The following PPP3R1 variants were observed in gnomAD, a reference collection of about 807,000 sequenced individuals.
The protein encoded by PPP3R1 is protein phosphatase 3 regulatory subunit B, alpha.
Under a neutral mutation model 22.6 loss-of-function variants are expected in PPP3R1, and 5 were observed. The ratio of observed to expected loss-of-function variants is 0.22; its 90% CI spans 0.12 to 0.46. PPP3R1 has a LOEUF of 0.46. Among genes scored for constraint, PPP3R1 ranks in the 20% least tolerant of loss-of-function variants. The pLI, the probability that PPP3R1 is intolerant of heterozygous loss-of-function variation, is 0.99. For synonymous variants in PPP3R1, 56 were observed against 65.2 expected (o/e 0.86, Z 0.68); for missense variants, 61 against 203.2 (o/e 0.30, Z 4.25).
chr2:68,211,224 A>G (rs1558635100), intron 2 of PPP3R1, among the ~76,000 whole-genome samples: 1 of 148,404 alleles, frequency 6.7e-6, no homozygotes, highest in Admixed American at 6.6e-5. Flanking sequence ...GGCTAACACA[A>G]TGAAACCCTG....
chr2:68,194,376 T>C lies in PPP3R1; in HGVS notation c.44-5686A>G, dbSNP rs536473380. 2.0e-5 allele frequency among the ~76,000 whole-genome samples: 3 copies of C among 152,236 alleles called. No homozygotes were observed. In the South Asian group the frequency reaches 6.2e-4, roughly 32 times the overall value. Reference sequence around the variant, plus strand: ...AAAGTGACTTCAAGAATCTTGTTAATGTTACTACATGAAAGTATTAAGAAC... The same window carrying C: ...AAAGTGACTTCAAGAATCTTGTTAACGTTACTACATGAAAGTATTAAGAAC... On this transcript the variant is annotated intron_variant, in intron 2 of 5. Coordinates refer to ENST00000234310, the MANE Select transcript of PPP3R1 (RefSeq NM_000945.4).
intron 1 of PPP3R1, among the ~76,000 whole-genome samples, chr2:68,220,024 T>TA (rs369003819): frequency 0.065 from 9,883 of 152,024 alleles, 394 homozygotes; most frequent in Middle Eastern, 0.21. Context: ...TGACCAGTGT[T>TA]AAAAAAAACT....
chr2:68,215,553 C>A lies in PPP3R1; in HGVS notation c.43+1539G>T, dbSNP rs183839824. Among the ~76,000 whole-genome samples the A allele has an allele frequency of 7.9e-5, 12 of 152,264 alleles. No individual in the cohort carries two copies. In the South Asian group the frequency reaches 1.7e-3, roughly 21 times the overall value. On this transcript the variant is annotated intron_variant, in intron 2 of 5. Transcript: ENST00000234310. ...TGACTCACTTCTACCTTCCAAATCT[C>A]ACAAGTATATCTGTGGCAGAAATAA...
intron 1 of PPP3R1, among the ~76,000 whole-genome samples, chr2:68,228,023 G>C (rs952865776): frequency 3.0e-4 from 45 of 152,222 alleles, no homozygotes; most frequent in African/African-American, 1.1e-3. Context: ...AGAAATCCTT[G>C]CTTTGTTACA....
At chr2:68,197,966 A>G (rs1674824969) in intron 2 of PPP3R1, among the ~76,000 whole-genome samples, 1 of 150,256 alleles carries the variant, frequency 6.7e-6, no homozygotes, top group Non-Finnish European at 1.5e-5. Context: ...TATGCCTTTT[A>G]AATATATGAT....
At chr2:68,190,782 T>G (rs149739160) in intron 2 of PPP3R1, among the ~76,000 whole-genome samples, 1 of 152,184 alleles carries the variant, frequency 6.6e-6, no homozygotes, top group South Asian at 2.1e-4. Flanking sequence ...CAACTATTAA[T>G]AAAGGTAGGC....
chr2:68,214,052 C>T (rs748470722), intron 2 of PPP3R1, among the ~76,000 whole-genome samples: 3 of 152,048 alleles, frequency 2.0e-5, no homozygotes, highest in Non-Finnish European at 4.4e-5. Context: ...GAAAGGACTC[C>T]GTAATTCAAT....
chr2:68,233,357 T>G (rs1180280814), intron 1 of PPP3R1, among the ~76,000 whole-genome samples: 3 of 152,226 alleles, frequency 2.0e-5, no homozygotes, highest in Non-Finnish European at 4.4e-5. Flanking sequence ...AAATCCCTTT[T>G]ATTTCTTTGG....
chr2:68,249,579 CAT>C (rs1302032874), intron 1 of PPP3R1, among the ~76,000 whole-genome samples: 1 of 151,954 alleles, frequency 6.6e-6, no homozygotes, highest in Non-Finnish European at 1.5e-5. Flanking sequence ...TCAACAAAAA[CAT>C]ATATAAAACA....
intron 2 of PPP3R1, among the ~76,000 whole-genome samples, chr2:68,208,016 C>A (rs1669358109): frequency 6.6e-6 from 1 of 152,046 alleles, no homozygotes; most frequent in Non-Finnish European, 1.5e-5. Flanking sequence ...ATTAGCCAGG[C>A]GTGGTGGTGG....
intron 1 of PPP3R1, among the ~76,000 whole-genome samples, chr2:68,228,132 A>G (rs1669821631): frequency 6.6e-6 from 1 of 151,720 alleles, no homozygotes; most frequent in South Asian, 2.1e-4. Flanking sequence ...TTCCCTCTAT[A>G]TTTTTCTAAG....
intron 1 of PPP3R1, among the ~76,000 whole-genome samples, chr2:68,249,086 C>T (rs1207924802): frequency 6.6e-6 from 1 of 152,206 alleles, no homozygotes; most frequent in Non-Finnish European, 1.5e-5. Context: ...ATCCTCCTGG[C>T]CCAAGGTGAC....
At chr2:68,216,243 T>C (rs1327492541) in intron 2 of PPP3R1, among the ~76,000 whole-genome samples, 1 of 152,068 alleles carries the variant, frequency 6.6e-6, no homozygotes, top group East Asian at 1.9e-4. Context: ...GCAAATTAAT[T>C]CTAAATTAAC....
intron 2 of PPP3R1, among the ~76,000 whole-genome samples, chr2:68,197,893 G>T (rs1674823285): frequency 6.6e-6 from 1 of 151,014 alleles, no homozygotes; most frequent in Non-Finnish European, 1.5e-5. Context: ...TGATCATGAA[G>T]ATTTTCTCCT....
At chr2:68,226,773 GT>G (rs1669788947) in intron 1 of PPP3R1, among the ~76,000 whole-genome samples, 1 of 152,200 alleles carries the variant, frequency 6.6e-6, no homozygotes, top group East Asian at 1.9e-4. Flanking sequence ...GTCTGGAACG[GT>G]TTAAGTCCTA....
chr2:68,205,657 T>A (rs1675103986), intron 2 of PPP3R1, among the ~76,000 whole-genome samples: 1 of 152,148 alleles, frequency 6.6e-6, no homozygotes, highest in Admixed American at 6.5e-5. Flanking sequence ...TCACAAGTGA[T>A]TTTGTAGATT....
chr2:68,213,928 C>G (rs893451047), intron 2 of PPP3R1, among the ~76,000 whole-genome samples: 2 of 152,078 alleles, frequency 1.3e-5, no homozygotes, highest in Non-Finnish European at 2.9e-5. Flanking sequence ...TATACTACAA[C>G]TAAAACAGCA....
rs1016791058 is a variant in PPP3R1 at position 68,179,010 on chromosome 2, A to G, written c.*1953T>C. On this transcript the variant is annotated 3_prime_UTR_variant, in exon 6 of 6. Transcript: ENST00000234310. Reference sequence around the variant, plus strand: ...ACACACAAACTAAAAAAAAAAAAAAAAAAAAAGAAAAAGAAAAAACCCTCA... The same window carrying G: ...ACACACAAACTAAAAAAAAAAAAAAGAAAAAAGAAAAAGAAAAAACCCTCA... The G allele has an allele frequency of 2.4e-4, 5 of 21,200 alleles. No homozygotes were observed. The highest frequency in any genetic ancestry group is 1.1e-3 in the African/African-American group (1 of 924). 1.3% of individuals were successfully genotyped at this position (21,200 alleles called of 1,614,324 possible).
intron 1 of PPP3R1, among the ~76,000 whole-genome samples, chr2:68,241,015 AAAG>A (rs1416796491): frequency 2.6e-5 from 4 of 152,228 alleles, no homozygotes; most frequent in African/African-American, 4.8e-5. Flanking sequence ...CCAACATTAC[AAAG>A]AAGAAAAATG....
Sources: allele counts gnomAD v4.1 joint callset (sites outside exome capture counted in the v4.1 genomes callset), GRCh38; gene constraint gnomAD v4.1.1; transcripts MANE v1.5; gene names NCBI Gene and HGNC (gene_info 2026-07-23, HGNC 2026-07-21).